Variants in LDB2 observed in about 807,000 individuals in gnomAD.
LDB2 encodes the protein LIM domain-binding protein 2.
In LDB2, 12 loss-of-function variants were observed where a neutral mutation model predicts 44.3. That is an observed-to-expected ratio of 0.27 (90% CI 0.17 to 0.44). The LOEUF (loss-of-function observed/expected upper bound fraction) is 0.44. Ranked by LOEUF, LDB2 falls within the 20% of genes least tolerant of loss-of-function variation. The pLI, the probability that LDB2 is intolerant of heterozygous loss-of-function variation, is 1.00. For synonymous variants in LDB2, 164 were observed against 174.8 expected, an observed-to-expected ratio of 0.94 and a Z score of 0.49; for missense variants, 344 against 473.5, an observed-to-expected ratio of 0.73 and a Z score of 2.54.
intron 1 of LDB2, among the ~76,000 whole-genome samples, chr4:16,836,944 T>A (rs933349531): frequency 1.3e-5 from 2 of 152,222 alleles, no homozygotes; most frequent in African/African-American, 4.8e-5. Flanking sequence ...AGATTTTAAA[T>A]GGTCATTCAT....
intron 1 of LDB2, among the ~76,000 whole-genome samples, chr4:16,775,312 T>A (rs932100317): frequency 5.9e-5 from 9 of 152,178 alleles, no homozygotes; most frequent in Non-Finnish European, 1.2e-4. Context: ...TTAAATAATA[T>A]ATATCCATAA....
chr4:16,871,580 A>C (rs532625040), intron 1 of LDB2, among the ~76,000 whole-genome samples: 1 of 152,070 alleles, frequency 6.6e-6, no homozygotes, highest in South Asian at 2.1e-4. Context: ...CATTAATGTA[A>C]AAGAAAATAT....
chr4:16,892,512 C>T (rs1428314987), intron 1 of LDB2, among the ~76,000 whole-genome samples: 2 of 152,312 alleles, frequency 1.3e-5, no homozygotes, highest in East Asian at 3.9e-4. Flanking sequence ...ATCCTTTGGA[C>T]ATTTTTTTAA....
intron 1 of LDB2, 51 bp from the exon 2 acceptor site, chr4:16,759,311 A>C: frequency 7.7e-7 from 1 of 1,306,660 alleles, no homozygotes; most frequent in Non-Finnish European, 1.1e-6. Flanking sequence ...GAAATATCTC[A>C]AAGAGGAAGA....
chr4:16,542,359 G>T lies in LDB2; in HGVS notation c.616-30255C>A, dbSNP rs571912886. Among the ~76,000 whole-genome samples, 5 of 152,246 alleles carry T rather than the reference G, an allele frequency of 3.3e-5. No individual in the cohort carries two copies. In the East Asian group the frequency reaches 9.6e-4, roughly 29 times the overall value. ...AATGCCATGAAGATAATAAAACAGG[G>T]TTATGTGATAGAAAATGGCCAGAAA... On this transcript the variant is annotated intron_variant, in intron 5 of 7. Transcript: ENST00000304523.
chr4:16,819,239 T>A (rs1781509050), intron 1 of LDB2, among the ~76,000 whole-genome samples: 1 of 152,058 alleles, frequency 6.6e-6, no homozygotes. Context: ...AAAGAAATAA[T>A]TCTGGGAACA....
At chr4:16,809,215 A>G (rs1037681802) in intron 1 of LDB2, among the ~76,000 whole-genome samples, 5 of 152,220 alleles carry the variant, frequency 3.3e-5, no homozygotes, top group African/African-American at 1.2e-4. Context: ...CAGATGCTAC[A>G]TAACAGATAT....
chr4:16,892,933 C>CT (rs949301059), intron 1 of LDB2: 877 of 179,558 alleles, frequency 4.9e-3, no homozygotes, highest in Non-Finnish European at 7.1e-3. Flanking sequence ...GTTGAAAGTT[C>CT]TTTTTTTTTT....
intron 2 of LDB2, among the ~76,000 whole-genome samples, chr4:16,658,742 C>T (rs10006784): frequency 6.6e-6 from 1 of 151,868 alleles, no homozygotes; most frequent in African/African-American, 2.4e-5. Context: ...TTTTAAGCAT[C>T]CACCCATGTA....
intron 7 of LDB2, among the ~76,000 whole-genome samples, chr4:16,504,455 A>G (rs1253150123): frequency 6.6e-6 from 1 of 152,198 alleles, no homozygotes; most frequent in Non-Finnish European, 1.5e-5. Context: ...AATGTCCCAA[A>G]TGGAGTAAGT....
intron 1 of LDB2, among the ~76,000 whole-genome samples, chr4:16,855,667 G>A (rs1789217220): frequency 6.6e-6 from 1 of 152,054 alleles, no homozygotes. Flanking sequence ...TAAAGGTTAG[G>A]AAAGTTATAT....
intron 5 of LDB2, among the ~76,000 whole-genome samples, chr4:16,540,836 T>C (rs1469214569): frequency 6.6e-6 from 1 of 152,208 alleles, no homozygotes; most frequent in Non-Finnish European, 1.5e-5. Flanking sequence ...ACTTGGGCTT[T>C]CAGTCTTTGA....
At chr4:16,616,075 C>A (rs1727218942) in intron 2 of LDB2, among the ~76,000 whole-genome samples, 1 of 152,204 alleles carries the variant, frequency 6.6e-6, no homozygotes, top group African/African-American at 2.4e-5. Context: ...CCCTAATTAA[C>A]TTTTCTTCCT....
intron 2 of LDB2, among the ~76,000 whole-genome samples, chr4:16,695,459 CAAA>C (rs553974303): frequency 9.1e-6 from 1 of 109,588 alleles, no homozygotes. Context: ...AAGACTCTGT[CAAA>C]AAAAAAAAAA....
intron 2 of LDB2, among the ~76,000 whole-genome samples, chr4:16,744,075 T>A (rs1162723644): frequency 1.3e-5 from 2 of 152,196 alleles, no homozygotes; most frequent in African/African-American, 2.4e-5. Context: ...AAACTAGGTT[T>A]CTTCTAGACT....
chr4:16,573,050 G>A (rs1288235920), intron 5 of LDB2, among the ~76,000 whole-genome samples: 4 of 152,192 alleles, frequency 2.6e-5, no homozygotes, highest in Non-Finnish European at 4.4e-5. Context: ...TCAACCCCAC[G>A]GTGGAGTGGT....
intron 2 of LDB2, among the ~76,000 whole-genome samples, chr4:16,732,522 T>C (rs971464553): frequency 6.6e-6 from 1 of 152,190 alleles, no homozygotes; most frequent in Non-Finnish European, 1.5e-5. Context: ...CTAATTCAAT[T>C]CCTCATTAAT....
chr4:16,874,531 G>T (rs547008920), intron 1 of LDB2, among the ~76,000 whole-genome samples: 8 of 152,300 alleles, frequency 5.3e-5, no homozygotes, highest in Admixed American at 2.0e-4. Context: ...AGGAGGGACA[G>T]ATAGATCACT....
intron 2 of LDB2, among the ~76,000 whole-genome samples, chr4:16,733,115 T>C: frequency 6.6e-6 from 1 of 152,212 alleles, no homozygotes; most frequent in Non-Finnish European, 1.5e-5. Flanking sequence ...GGCGCCTTCT[T>C]ACTTAGGCTA....
Sources: allele counts gnomAD v4.1 joint callset (sites outside exome capture counted in the v4.1 genomes callset), GRCh38; gene constraint gnomAD v4.1.1; transcripts MANE v1.5; gene names NCBI Gene and HGNC (gene_info 2026-07-23, HGNC 2026-07-21).